The following FAM13A variants were observed in gnomAD, a reference collection of about 807,000 sequenced individuals.
FAM13A encodes family with sequence similarity 13 member A.
In FAM13A, 76 loss-of-function variants were observed where a neutral mutation model predicts 129.6. The ratio of observed to expected loss-of-function variants is 0.59; its 90% CI spans 0.49 to 0.71. The LOEUF (loss-of-function observed/expected upper bound fraction) is 0.71. Among genes scored for constraint, FAM13A ranks in the 30% least tolerant of loss-of-function variants. The pLI, the probability that FAM13A is intolerant of heterozygous loss-of-function variation, is 0.00. For synonymous variants in FAM13A, 443 were observed against 449.9 expected (o/e 0.98, Z 0.20); for missense variants, 1,108 against 1,249.3 (o/e 0.89, Z 1.70).
Position 88,726,290 on chromosome 4 carries a change from T to C in FAM13A, c.*2243A>G, listed in dbSNP as rs1736447848. ...CTCATTTCTTCTGGGCTCCATTCCA[T>C]GAAGAATATAAGTTAGTTAGTTAGT... On this transcript the variant is annotated 3_prime_UTR_variant, in exon 24 of 24. Coordinates refer to ENST00000264344, the MANE Select transcript of FAM13A (RefSeq NM_014883.4). 7.6e-6 allele frequency: 1 copy of C among 131,204 alleles called. No homozygotes were observed. The highest frequency in any genetic ancestry group is 3.2e-5 in the African/African-American group (1 of 31,652). The allele number at this position is 131,204 out of a possible 1,614,324, so 8.1% of individuals were successfully genotyped here.
intron 7 of FAM13A, among the ~76,000 whole-genome samples, chr4:88,813,042 C>CT (rs1729976334): frequency 6.6e-6 from 1 of 152,072 alleles, no homozygotes; most frequent in South Asian, 2.1e-4. Context: ...AAAATCATTT[C>CT]TTTTTTCCAA....
chr4:88,836,989 G>A (rs916065826), intron 7 of FAM13A, among the ~76,000 whole-genome samples: 1 of 151,732 alleles, frequency 6.6e-6, no homozygotes, highest in Non-Finnish European at 1.5e-5. Flanking sequence ...TTAAAATGAT[G>A]ATTATTTTTA....
chr4:88,808,229 TA>T (rs1728970452), intron 7 of FAM13A, among the ~76,000 whole-genome samples: 1 of 152,168 alleles, frequency 6.6e-6, no homozygotes. Context: ...TTAAGCCAAC[TA>T]ATTTTAGAAA....
chr4:88,993,116 T>C lies in FAM13A; in HGVS notation c.428-1966A>G, dbSNP rs569466123. Among the ~76,000 whole-genome samples, 5 of 152,344 alleles carry C rather than the reference T, an allele frequency of 3.3e-5. No individual in the cohort carries two copies. In the East Asian group the frequency reaches 9.6e-4, roughly 29 times the overall value. ...ATTTCTGGGGTGAGGAACCTGGTTC[T>C]GCTACCTACTACTTATGTGACCTAC... On this transcript the variant is annotated intron_variant, in intron 3 of 23. Transcript: ENST00000264344.
chr4:88,781,967 G>A (rs914138353), intron 10 of FAM13A, among the ~76,000 whole-genome samples: 3 of 149,456 alleles, frequency 2.0e-5, no homozygotes, highest in Admixed American at 6.7e-5. Context: ...TTGTGCACAT[G>A]TACCCTAAAA....
intron 3 of FAM13A, among the ~76,000 whole-genome samples, chr4:89,018,447 C>T (rs1766817642): frequency 1.3e-5 from 2 of 152,162 alleles, no homozygotes; most frequent in Admixed American, 1.3e-4. Context: ...CTTGTAACAT[C>T]CAGTCTGTGG....
chr4:88,758,880 C>T lies in FAM13A; in HGVS notation c.1600G>A (p.Glu534Lys), dbSNP rs1187691224. The change falls in exon 14 of 24, where the codon GAG becomes AAG. Residue 534 changes from glutamate (E) to lysine (K), a missense_variant. Physicochemically the swap from Glu to Lys is moderately conservative, Grantham distance 56. This residue lies in a region of FAM13A where 529 missense variants were observed against 621.2 expected (regional missense o/e 0.85). Coordinates refer to ENST00000264344, the MANE Select transcript of FAM13A (RefSeq NM_014883.4). ...HFESPTMKIQ[E>K]HPSLSDTKQQ... ...TTGGTGTCAGATAGGCTGGGATGCT[C>T]CTGGATCTTCATTGTGGGGCTCTGC... 3 of 1,613,796 alleles carry T rather than the reference C, an allele frequency of 1.9e-6. No homozygotes were observed. Among genetic ancestry groups the T allele is most frequent in the Non-Finnish European group, 2.5e-6 (3 of 1,179,890 alleles).
intron 1 of FAM13A, among the ~76,000 whole-genome samples, chr4:89,031,850 CT>C (rs1768719167): frequency 6.6e-6 from 1 of 152,082 alleles, no homozygotes; most frequent in African/African-American, 2.4e-5. Flanking sequence ...TTTATATGTA[CT>C]TATCACAATT....
chr4:88,764,292 T>C (rs1180615602), intron 13 of FAM13A, among the ~76,000 whole-genome samples: 2 of 152,160 alleles, frequency 1.3e-5, no homozygotes, highest in Non-Finnish European at 2.9e-5. Flanking sequence ...AATGTAAAAA[T>C]ATTTTGAAAG....
intron 6 of FAM13A, among the ~76,000 whole-genome samples, chr4:88,858,374 A>AAGGT (rs1738903062): frequency 6.6e-6 from 1 of 152,246 alleles, no homozygotes; most frequent in Non-Finnish European, 1.5e-5. Context: ...TGTAGGAATT[A>AAGGT]AGGTAGAAGA....
In FAM13A at chr4:88,732,217, C is replaced by T; in HGVS notation, c.2647-19G>A. On this transcript the variant is annotated intron_variant, in intron 21 of 23. Transcript: ENST00000264344. ...CTTCTTCCTGGAGATACACAGCAAC[C>T]CCAATAAAAATCTGGTCACTTTTTG... The T allele has an allele frequency of 6.4e-7, 1 of 1,565,160 alleles. No homozygotes were observed. Among genetic ancestry groups the T allele is most frequent in the Admixed American group, 2.0e-5 (1 of 51,192 alleles).
intron 6 of FAM13A, among the ~76,000 whole-genome samples, chr4:88,892,462 A>G (rs1171765639): frequency 6.6e-6 from 1 of 152,184 alleles, no homozygotes; most frequent in Non-Finnish European, 1.5e-5. Context: ...TACAGGCGTG[A>G]GCCACTGCAC....
At chr4:88,846,916 G>A (rs1275608614) in intron 7 of FAM13A, among the ~76,000 whole-genome samples, 1 of 152,100 alleles carries the variant, frequency 6.6e-6, no homozygotes, top group Non-Finnish European at 1.5e-5. Flanking sequence ...AATGAAAAGA[G>A]CTTCATAATT....
In FAM13A at chr4:88,980,369, T is replaced by C. The variant is rs151261240; in HGVS notation, c.605+10604A>G. Among the ~76,000 whole-genome samples the C allele has an allele frequency of 2.4e-4, 37 of 152,314 alleles. 1 individual carries two copies. The East Asian group carries it at 6.2e-3, about 25-fold the overall frequency. On this transcript the variant is annotated intron_variant, in intron 4 of 23. Transcript: ENST00000264344. ...TTTGGCCATGAGCATATGTTACTTTTGTAATAAAAACAAATGTATAAACAT... is the reference window on the plus strand; with the variant it reads ...TTTGGCCATGAGCATATGTTACTTTCGTAATAAAAACAAATGTATAAACAT...
intron 6 of FAM13A, among the ~76,000 whole-genome samples, chr4:88,885,808 C>CA (rs60733033): frequency 0.024 from 3,011 of 125,354 alleles, 31 homozygotes; most frequent in Admixed American, 0.045. Flanking sequence ...AACAAATTAG[C>CA]AAAAAAAAAA....
intron 19 of FAM13A, among the ~76,000 whole-genome samples, chr4:88,743,828 T>G (rs1740735326): frequency 1.3e-5 from 2 of 152,198 alleles, no homozygotes; most frequent in African/African-American, 4.8e-5. Flanking sequence ...AACACAACTT[T>G]GTGAGAAATT....
intron 4 of FAM13A, among the ~76,000 whole-genome samples, chr4:88,953,089 G>A (rs141724483): frequency 3.2e-4 from 48 of 152,238 alleles, no homozygotes; most frequent in African/African-American, 1.1e-3. Context: ...ACAATTCAAT[G>A]CTTTTAGTAT....
intron 5 of FAM13A, among the ~76,000 whole-genome samples, chr4:88,922,197 G>A (rs1467081736): frequency 1.1e-4 from 16 of 151,968 alleles, no homozygotes; most frequent in East Asian, 5.8e-4. Flanking sequence ...TGCACCAAGC[G>A]GACCTAATAG....
At chr4:88,923,730 G>A (rs1011755543) in intron 5 of FAM13A, among the ~76,000 whole-genome samples, 6 of 152,122 alleles carry the variant, frequency 3.9e-5, no homozygotes, top group African/African-American at 1.2e-4. Flanking sequence ...AGGAAATAAA[G>A]GGTATTCAAT....
Sources: allele counts gnomAD v4.1 joint callset (sites outside exome capture counted in the v4.1 genomes callset), GRCh38; gene constraint gnomAD v4.1.1; regional missense constraint gnomAD v4.1.1; transcripts MANE v1.5; gene names NCBI Gene and HGNC (gene_info 2026-07-23, HGNC 2026-07-21).